The following RFX4 variants were observed in gnomAD, a reference collection of about 807,000 sequenced individuals.
RFX4 encodes transcription factor RFX4.
Under a neutral mutation model 95.0 loss-of-function variants are expected in RFX4, and 10 were observed. That is an observed-to-expected ratio of 0.11 (90% CI 0.06 to 0.18). The LOEUF (loss-of-function observed/expected upper bound fraction) is 0.18. Among genes scored for constraint, RFX4 ranks in the 10% least tolerant of loss-of-function variants. RFX4 has a pLI of 1.00. For synonymous variants in RFX4, 321 were observed against 340.7 expected (o/e 0.94, Z 0.64); for missense variants, 640 against 922.0 (o/e 0.69, Z 3.96).
At chr12:106,705,866 T>C (rs957449495) in intron 8 of RFX4, among the ~76,000 whole-genome samples, 1 of 152,194 alleles carries the variant, frequency 6.6e-6, no homozygotes, top group Non-Finnish European at 1.5e-5. Context: ...TGTCTGGCAC[T>C]ATGCTAGGTA....
At chr12:106,633,158 C>A (rs766768077) in intron 2 of RFX4, among the ~76,000 whole-genome samples, 1 of 152,168 alleles carries the variant, frequency 6.6e-6, no homozygotes, top group East Asian at 1.9e-4. Flanking sequence ...ACCCTGGGCA[C>A]AAAGTCACCA....
chr12:106,662,276 T>G, intron 4 of RFX4: 1 of 245,762 alleles, frequency 4.1e-6, no homozygotes, highest in South Asian at 4.6e-5. Flanking sequence ...TGTAGTGGTA[T>G]GTCGTTGTTT....
intron 16 of RFX4, among the ~76,000 whole-genome samples, chr12:106,747,927 TAAAA>T (rs10624179): frequency 3.2e-5 from 4 of 126,378 alleles, no homozygotes; most frequent in Non-Finnish European, 5.0e-5. Context: ...GACGCCGTCT[TAAAA>T]AAAAAAAAAA....
At chr12:106,657,587 T>A (rs1365479652) in intron 4 of RFX4, among the ~76,000 whole-genome samples, 1 of 152,212 alleles carries the variant, frequency 6.6e-6, no homozygotes, top group Non-Finnish European at 1.5e-5. Flanking sequence ...ACTGGTCTTG[T>A]GCCTGCTTTC....
intron 1 of RFX4, among the ~76,000 whole-genome samples, chr12:106,593,807 C>CT (rs796522436): frequency 2.6e-4 from 39 of 152,318 alleles, no homozygotes; most frequent in African/African-American, 9.1e-4. Context: ...AATTTGTGTA[C>CT]TGAATCTAAA....
At chr12:106,747,626 G>A (rs962818586) in intron 16 of RFX4, 27 bp downstream of exon 16, 2 of 1,607,340 alleles carry the variant, frequency 1.2e-6, no homozygotes, top group African/African-American at 1.3e-5. Flanking sequence ...GGATGCTGCT[G>A]GACTTTTAAA....
rs1163891542 is a variant in RFX4, at chr12:106,604,115, C to CTTTT, written c.44-4663_44-4660dup. 1.3e-3 allele frequency among the ~76,000 whole-genome samples: 144 copies of CTTTT among 112,786 alleles called. 2 individuals carry two copies. Among genetic ancestry groups the CTTTT allele is most frequent in the Non-Finnish European group, 1.6e-3 (93 of 56,784 alleles). 74.0% of individuals were successfully genotyped at this position (112,786 alleles called of 152,430 possible). A position where few individuals can be genotyped will look rare whatever the true frequency, so the allele number is the denominator to read the frequency against. On this transcript the variant is annotated intron_variant, in intron 1 of 17. Coordinates refer to ENST00000392842, the MANE Select transcript of RFX4 (RefSeq NM_213594.3). ...GTTTATATCACTACAGCTTCTCTCT[C>CTTTT]TTTTTTTTTTTTTTTTTTTTTTGAG...
At chr12:106,722,091 A>G (rs1348806622) in intron 13 of RFX4, among the ~76,000 whole-genome samples, 3 of 152,262 alleles carry the variant, frequency 2.0e-5, no homozygotes, top group African/African-American at 4.8e-5. Flanking sequence ...GCTGACTGCT[A>G]CCTGGGCAGT....
In RFX4 at chr12:106,720,902, C is replaced by T; in HGVS notation, c.1351+26C>T. On this transcript the variant is annotated intron_variant, in intron 13 of 17. Transcript: ENST00000392842. This position sits in a 1 kb window ranked among gnomAD's most constrained non-coding sequence, Gnocchi z 4.2. ...GTAAGGCCACCCCAGCCCTCCCCAT[C>T]TCCAAGCACTTTTTCCTCTGGGCAC... The T allele has an allele frequency of 3.7e-6, 6 of 1,600,776 alleles. No individual in the cohort carries two copies. Among genetic ancestry groups the T allele is most frequent in the Non-Finnish European group, 3.4e-6 (4 of 1,169,540 alleles).
At chr12:106,606,894 T>C (rs551209279) in intron 1 of RFX4, among the ~76,000 whole-genome samples, 1 of 152,350 alleles carries the variant, frequency 6.6e-6, no homozygotes, top group Non-Finnish European at 1.5e-5. Context: ...TTATGGTGTG[T>C]AACCTAAGGT....
In RFX4 at chr12:106,750,724, G is replaced by A. The variant is rs765344964; in HGVS notation, c.1866G>A (p.Pro622=). 4.3e-5 allele frequency: 69 copies of A among 1,611,756 alleles called. 1 individual carries two copies. In the East Asian group the frequency reaches 4.7e-4, roughly 11 times the overall value. The part of the protein sequence containing the change: ...QHPHPMQSQY[P]ALPHDTAISG... ...CTCACCCCATGCAGAGCCAGTATCC[G>A]GCCCTCCCTCATGACACAGCTATCT... Residue 622 remains proline, a synonymous_variant, in exon 17 of 18, where the codon CCG becomes CCA. Transcript: ENST00000392842.
At chr12:106,730,983 T>C (rs2042601017) in intron 13 of RFX4, among the ~76,000 whole-genome samples, 1 of 151,654 alleles carries the variant, frequency 6.6e-6, no homozygotes, top group Non-Finnish European at 1.5e-5. Flanking sequence ...CTGGGCAAGG[T>C]AGTGAGACTC....
At chr12:106,698,724 T>C (rs2041932286) in intron 8 of RFX4, among the ~76,000 whole-genome samples, 1 of 152,006 alleles carries the variant, frequency 6.6e-6, no homozygotes, top group African/African-American at 2.4e-5. Flanking sequence ...CATAATATTT[T>C]CTTATTATCC....
chr12:106,593,618 C>A (rs1451830971), intron 1 of RFX4, among the ~76,000 whole-genome samples: 2 of 152,138 alleles, frequency 1.3e-5, no homozygotes, highest in African/African-American at 2.4e-5. Context: ...TGAATCTTGG[C>A]CATCAAATCA....
intron 3 of RFX4, among the ~76,000 whole-genome samples, chr12:106,649,995 C>A (rs1194808189): frequency 1.3e-5 from 2 of 152,158 alleles, no homozygotes; most frequent in Non-Finnish European, 1.5e-5. Context: ...CCTAATTGGT[C>A]TCCTGTGTTC....
chr12:106,677,422 G>A (rs1207340884), intron 4 of RFX4, among the ~76,000 whole-genome samples: 1 of 152,126 alleles, frequency 6.6e-6, no homozygotes, highest in Non-Finnish European at 1.5e-5. Context: ...GCAGCTGGGT[G>A]GGAGTCGATC....
chr12:106,625,440 T>C (rs1325430712), intron 2 of RFX4, among the ~76,000 whole-genome samples: 2 of 152,144 alleles, frequency 1.3e-5, no homozygotes, highest in Admixed American at 1.3e-4. Context: ...ATAATTCAGG[T>C]CTCATGAATT....
chr12:106,588,748 G>C (rs2039497960), intron 1 of RFX4, among the ~76,000 whole-genome samples: 1 of 152,120 alleles, frequency 6.6e-6, no homozygotes, highest in Non-Finnish European at 1.5e-5. Flanking sequence ...TTTGTGTTCT[G>C]ACATCTATGT....
intron 13 of RFX4, among the ~76,000 whole-genome samples, chr12:106,725,291 A>G (rs1416892815): frequency 1.3e-5 from 2 of 152,210 alleles, no homozygotes; most frequent in African/African-American, 4.8e-5. Flanking sequence ...CAAGCCTACC[A>G]TGAGTCAAGG....
Sources: allele counts gnomAD v4.1 joint callset (sites outside exome capture counted in the v4.1 genomes callset), GRCh38; gene constraint gnomAD v4.1.1; non-coding constraint Gnocchi (gnomAD v3.1); transcripts MANE v1.5; gene names NCBI Gene and HGNC (gene_info 2026-07-23, HGNC 2026-07-21).